The following DCAF12 variants were observed in gnomAD, a reference collection of about 807,000 sequenced individuals.
DCAF12 encodes DDB1 and CUL4 associated factor 12.
A neutral mutation model predicts 52.8 loss-of-function variants in DCAF12; 28 were observed. That is an observed-to-expected ratio of 0.53 (90% CI 0.39 to 0.73). DCAF12 has a LOEUF of 0.73. Among genes scored for constraint, DCAF12 ranks in the 30% least tolerant of loss-of-function variants. The probability of loss-of-function intolerance (pLI) is 0.00; values close to 1 mark genes in which losing one functional copy is unlikely to be tolerated. For synonymous variants in DCAF12, 196 were observed against 215.5 expected, an observed-to-expected ratio of 0.91 and a Z score of 0.79; for missense variants, 425 against 552.2, an observed-to-expected ratio of 0.77 and a Z score of 2.31.
chr9:34,101,064 C>CTTTTT (rs3061496), intron 4 of DCAF12, among the ~76,000 whole-genome samples: 2 of 118,342 alleles, frequency 1.7e-5, no homozygotes, highest in Admixed American at 9.7e-5. Context: ...CCCTCCCCAA[C>CTTTTT]TTTTTTTTTT....
Position 34,106,477 on chromosome 9 carries a change from C to A in DCAF12, c.558G>T (p.Trp186Cys). ...CGCTGATCCATGCGATGGAAAAGATCCAGTCCTTGTGTCCATCCTTGGAGA... is the reference window on the plus strand; with the variant it reads ...CGCTGATCCATGCGATGGAAAAGATACAGTCCTTGTGTCCATCCTTGGAGA... Reference protein sequence around the residue: ...VCVGDDGHKDWIFSIAWISDT... With the variant: ...VCVGDDGHKDCIFSIAWISDT... The change falls in exon 4 of 9, where the codon TGG (tryptophan) becomes TGT (cysteine). Residue 186 changes from tryptophan to cysteine, a missense_variant. Around this residue, in one of 3 missense-constraint regions of DCAF12, gnomAD observed 328 missense variants for 444.4 expected, o/e 0.74. Transcript: ENST00000361264. 6.2e-7 allele frequency: 1 copy of A among 1,611,030 alleles called. No individual in the cohort carries two copies. The highest frequency in any genetic ancestry group is 8.5e-7 in the Non-Finnish European group (1 of 1,178,220).
At chr9:34,111,021 T>C (rs896677874) in intron 2 of DCAF12, among the ~76,000 whole-genome samples, 1 of 148,802 alleles carries the variant, frequency 6.7e-6, no homozygotes, top group African/African-American at 2.5e-5. Flanking sequence ...AGTCTTGCTC[T>C]GTCGCCCAGG....
chr9:34,110,258 A>C (rs1828978168), intron 2 of DCAF12, among the ~76,000 whole-genome samples: 1 of 152,098 alleles, frequency 6.6e-6, no homozygotes, highest in South Asian at 2.1e-4. Context: ...TTGCTCCTCA[A>C]ATTGCTCACT....
intron 7 of DCAF12, among the ~76,000 whole-genome samples, chr9:34,091,074 C>G (rs572148447): frequency 6.6e-6 from 1 of 151,892 alleles, no homozygotes; most frequent in African/African-American, 2.4e-5. Flanking sequence ...GCCTGTAATC[C>G]CAGTACTTTG....
chr9:34,122,415 T>C (rs1829188856), intron 2 of DCAF12, among the ~76,000 whole-genome samples: 1 of 152,056 alleles, frequency 6.6e-6, no homozygotes, highest in Non-Finnish European at 1.5e-5. Context: ...CCCAAATCTG[T>C]TCCTTAACAT....
intron 7 of DCAF12, among the ~76,000 whole-genome samples, chr9:34,091,900 T>C (rs1298035306): frequency 6.6e-6 from 1 of 152,208 alleles, no homozygotes; most frequent in Non-Finnish European, 1.5e-5. Flanking sequence ...AGCTGTGTGA[T>C]GCTGGGCAAG....
At chr9:34,097,831 T>C (rs747996526) in intron 5 of DCAF12, among the ~76,000 whole-genome samples, 6 of 151,286 alleles carry the variant, frequency 4.0e-5, no homozygotes, top group Non-Finnish European at 7.4e-5. Context: ...TACTTGAGAA[T>C]CTGAGGCAGA....
chr9:34,103,405 C>CAAA (rs528124195), intron 4 of DCAF12, among the ~76,000 whole-genome samples: 1 of 137,666 alleles, frequency 7.3e-6, no homozygotes, highest in East Asian at 2.1e-4. Flanking sequence ...GACTCCATCT[C>CAAA]AAAAAAAAAA....
Position 34,110,783 on chromosome 9 carries a change from CAACAAAACAA to C in DCAF12, c.334-3228_334-3219del, listed in dbSNP as rs55812352. On this transcript the variant is annotated intron_variant, in intron 2 of 8. Transcript: ENST00000361264. Reference sequence around the variant, plus strand: ...TGGGTGACAGAGCAAGACCCTGCCTCAACAAAACAAAACAAAACAAAACAAAACCAAGAGT... The same window carrying C: ...TGGGTGACAGAGCAAGACCCTGCCTCAACAAAACAAAACAAAACCAAGAGT... Among the ~76,000 whole-genome samples, 11 of 150,172 alleles carry C rather than the reference CAACAAAACAA, an allele frequency of 7.3e-5. No individual in the cohort carries two copies. The South Asian group carries it at 1.7e-3, about 23-fold the overall frequency.
intron 4 of DCAF12, among the ~76,000 whole-genome samples, chr9:34,101,214 G>T (rs1023034473): frequency 6.6e-6 from 1 of 151,720 alleles, no homozygotes; most frequent in African/African-American, 2.4e-5. Flanking sequence ...TGGGTCTACA[G>T]GCATGTATCC....
At chr9:34,113,621 T>G (rs1250113653) in intron 2 of DCAF12, among the ~76,000 whole-genome samples, 3 of 152,040 alleles carry the variant, frequency 2.0e-5, no homozygotes, top group Non-Finnish European at 2.9e-5. Context: ...ATTACAAGCA[T>G]GAGCCACCGC....
At chr9:34,091,639 C>CAAAAAAAAAAAAAAAA (rs34922785) in intron 7 of DCAF12, among the ~76,000 whole-genome samples, 2 of 80,514 alleles carry the variant, frequency 2.5e-5, no homozygotes, top group Non-Finnish European at 4.4e-5. Context: ...ACCCTGTCTT[C>CAAAAAAAAAAAAAAAA]AAAAAAAAAA....
chr9:34,125,296 A>G lies in DCAF12; in HGVS notation c.79-19T>C. On this transcript the variant is annotated intron_variant, in intron 1 of 8. Transcript: ENST00000361264. ...AGCCAAACTGTGGAAACAACATTAG[A>G]AATCAGGGCTTTGGCTACTCTTCTT... 1 of 1,612,372 alleles carries G rather than the reference A, an allele frequency of 6.2e-7. No homozygotes were observed. The highest frequency in any genetic ancestry group is 8.5e-7 in the Non-Finnish European group (1 of 1,179,186).
intron 4 of DCAF12, among the ~76,000 whole-genome samples, chr9:34,104,596 A>G (rs1452135492): frequency 6.6e-6 from 1 of 152,058 alleles, no homozygotes; most frequent in African/African-American, 2.4e-5. Flanking sequence ...TACCCCATCA[A>G]AGTTTTATTA....
chr9:34,102,939 A>G (rs1173328427), intron 4 of DCAF12, among the ~76,000 whole-genome samples: 1 of 151,836 alleles, frequency 6.6e-6, no homozygotes, highest in African/African-American at 2.4e-5. Flanking sequence ...CTAGCCAGGC[A>G]TGGTGGCACA....
chr9:34,103,663 G>A (rs1379291116), intron 4 of DCAF12, among the ~76,000 whole-genome samples: 2 of 152,024 alleles, frequency 1.3e-5, no homozygotes, highest in Non-Finnish European at 2.9e-5. Flanking sequence ...ACAGCAGCCT[G>A]GGCAACAAAG....
Position 34,088,523 on chromosome 9 carries a change from A to T in DCAF12, c.1204-15T>A, listed in dbSNP as rs200020072. The T allele has an allele frequency of 5.6e-6, 9 of 1,613,926 alleles. No homozygotes were observed. In the East Asian group the frequency reaches 2.0e-4, roughly 36 times the overall value. Reference sequence around the variant, plus strand: ...TCATCATGATTCTACGGGAAGAGAAAGAGACTACAATTAGCACCTCTAGCC... The same window carrying T: ...TCATCATGATTCTACGGGAAGAGAATGAGACTACAATTAGCACCTCTAGCC... On this transcript the variant is annotated splice_polypyrimidine_tract_variant and intron_variant, in intron 8 of 8. Coordinates refer to ENST00000361264, the MANE Select transcript of DCAF12 (RefSeq NM_015397.4).
At chr9:34,106,563 ACT>A (rs1235350174) in intron 3 of DCAF12, 69 bp from the exon 4 acceptor site, 2 of 1,309,670 alleles carry the variant, frequency 1.5e-6, no homozygotes, top group Non-Finnish European at 2.2e-6. Context: ...ATTGTAATAA[ACT>A]CTCTAAAGAA....
At chr9:34,119,702 GTTTT>G (rs72391664) in intron 2 of DCAF12, among the ~76,000 whole-genome samples, 2 of 133,314 alleles carry the variant, frequency 1.5e-5, no homozygotes, top group African/African-American at 2.8e-5. Context: ...TACTTTTGCG[GTTTT>G]TTTTTTTTTT....
Sources: allele counts gnomAD v4.1 joint callset (sites outside exome capture counted in the v4.1 genomes callset), GRCh38; gene constraint gnomAD v4.1.1; regional missense constraint gnomAD v4.1.1; transcripts MANE v1.5; gene names NCBI Gene and HGNC (gene_info 2026-07-23, HGNC 2026-07-21).